NXPE3: variants seen among roughly 807,000 people sequenced by gnomAD.
NXPE3 encodes NXPE family member 3.
In NXPE3, 26 loss-of-function variants were observed where a neutral mutation model predicts 46.1. The observed-to-expected ratio is 0.56, with a 90% CI of 0.41 to 0.78. The LOEUF is 0.78. Ranked by LOEUF, NXPE3 falls within the 30% of genes least tolerant of loss-of-function variation. The pLI, the probability that NXPE3 is intolerant of heterozygous loss-of-function variation, is 0.00. For synonymous variants in NXPE3, 272 were observed against 257.9 expected (o/e 1.05, Z -0.52); for missense variants, 620 against 686.0 (o/e 0.90, Z 1.07).
In NXPE3 at chr3:101,822,918, T is replaced by C. The variant is rs1216749929; in HGVS notation, c.*964T>C. Reference sequence around the variant, plus strand: ...AAAATCTAATTAGAAATTAATAAGATACTAAAATTCATGACAGTTTTTTGT... The same window carrying C: ...AAAATCTAATTAGAAATTAATAAGACACTAAAATTCATGACAGTTTTTTGT... On this transcript the variant is annotated 3_prime_UTR_variant, in exon 8 of 8. Transcript: ENST00000273347. 6.6e-6 allele frequency: 1 copy of C among 152,092 alleles called. No homozygotes were observed. Among genetic ancestry groups the C allele is most frequent in the Non-Finnish European group, 1.5e-5 (1 of 68,028 alleles). 9.4% of individuals were successfully genotyped at this position (152,092 alleles called of 1,614,324 possible). A position where few individuals can be genotyped will look rare whatever the true frequency, so the allele number is the denominator to read the frequency against.
intron 5 of NXPE3, among the ~76,000 whole-genome samples, chr3:101,806,018 T>C (rs1013452486): frequency 2.0e-5 from 3 of 152,156 alleles, no homozygotes; most frequent in Non-Finnish European, 4.4e-5. Flanking sequence ...GAAATTTGAT[T>C]ATGCTGTAAT....
chr3:101,805,927 TA>T (rs1012226070), intron 5 of NXPE3, among the ~76,000 whole-genome samples: 3 of 152,126 alleles, frequency 2.0e-5, no homozygotes, highest in Admixed American at 1.3e-4. Flanking sequence ...GTAAATTGTA[TA>T]TTTTTTTCTT....
chr3:101,781,961 G>A (rs1939849131), intron 1 of NXPE3, 149 bp from the exon 2 acceptor site: 1 of 152,082 alleles, frequency 6.6e-6, no homozygotes, highest in South Asian at 2.1e-4. Context: ...TTATTAGTAA[G>A]GAAAAGGAAA....
intron 4 of NXPE3, among the ~76,000 whole-genome samples, chr3:101,798,826 C>G (rs1418711792): frequency 6.6e-6 from 1 of 152,056 alleles, no homozygotes; most frequent in Non-Finnish European, 1.5e-5. Flanking sequence ...GTTGCCCAGA[C>G]TAGTCTCGAA....
intron 4 of NXPE3, among the ~76,000 whole-genome samples, chr3:101,792,119 T>C (rs1302541805): frequency 6.6e-6 from 1 of 152,214 alleles, no homozygotes; most frequent in Non-Finnish European, 1.5e-5. Context: ...TGGGGTTGTT[T>C]CTTGTAGATT....
chr3:101,797,693 C>T (rs1340019450), intron 4 of NXPE3, among the ~76,000 whole-genome samples: 6 of 63,506 alleles, frequency 9.4e-5, no homozygotes, highest in Admixed American at 1.9e-4. Flanking sequence ...TTTGTTCTTG[C>T]GATAGTTTAC....
In NXPE3 at chr3:101,827,712, T is replaced by G. The variant is rs1942557024; in HGVS notation, c.*5758T>G. The stretch of plus-strand genomic sequence containing the variant: ...CTCCCTGCGGCTCCAGTCCAGGTCT[T>G]GGAGCCGGCCCTCGAGGGGAATGTC... On this transcript the variant is annotated 3_prime_UTR_variant, in exon 8 of 8. Transcript: ENST00000273347. 6.6e-6 allele frequency among the ~76,000 whole-genome samples: 1 copy of G among 152,226 alleles called. No homozygotes were observed. Among genetic ancestry groups the G allele is most frequent in the Non-Finnish European group, 1.5e-5 (1 of 68,038 alleles).
chr3:101,785,810 T>G, intron 4 of NXPE3, 121 bp downstream of exon 4: 1 of 778,232 alleles, frequency 1.3e-6, no homozygotes, highest in South Asian at 1.4e-5. Flanking sequence ...TGTTTTCATT[T>G]ATTCGGTAAG....
chr3:101,821,051 A>T (rs1020188516), intron 7 of NXPE3, among the ~76,000 whole-genome samples: 1 of 152,230 alleles, frequency 6.6e-6, no homozygotes, highest in African/African-American at 2.4e-5. Context: ...GATAAAAAAG[A>T]TTGCAATGAT....
intron 4 of NXPE3, among the ~76,000 whole-genome samples, chr3:101,800,798 A>C (rs190435362): frequency 4.6e-5 from 7 of 152,134 alleles, no homozygotes; most frequent in African/African-American, 1.7e-4. Context: ...CTCTGTCTGA[A>C]ATTAATATAA....
At chr3:101,784,862 G>GGT in intron 3 of NXPE3, among the ~76,000 whole-genome samples, 1 of 152,292 alleles carries the variant, frequency 6.6e-6, no homozygotes, top group African/African-American at 2.4e-5. Flanking sequence ...CATATGTGGT[G>GGT]GGGAGAGCTG....
rs574955778 is a variant in NXPE3 at position 101,826,120 on chromosome 3, G to A, written c.*4166G>A. ...TGATCCAGTTTAATAACTGAATCCA[G>A]TTTCACATTTATCAATCTGAAAACT... On this transcript the variant is annotated 3_prime_UTR_variant, in exon 8 of 8. Transcript: ENST00000273347. The A allele has an allele frequency of 6.6e-6, 1 of 152,296 alleles. No individual in the cohort carries two copies. Among genetic ancestry groups the A allele is most frequent in the Admixed American group, 6.5e-5 (1 of 15,288 alleles). 9.4% of individuals were successfully genotyped at this position (152,296 alleles called of 1,614,324 possible). A position where few individuals can be genotyped will look rare whatever the true frequency, so the allele number is the denominator to read the frequency against.
chr3:101,804,060 A>G (rs1302330288), intron 5 of NXPE3, among the ~76,000 whole-genome samples: 2 of 152,234 alleles, frequency 1.3e-5, no homozygotes, highest in Non-Finnish European at 2.9e-5. Context: ...TGCCTAAAGC[A>G]TTTATCATTT....
chr3:101,819,561 A>C lies in NXPE3; in HGVS notation c.1130-1843A>C, dbSNP rs1449614609. ...GTTGCTTCTTTCTTTTGCTTATTGC[A>C]AAAAGAGGTGTTTGTTTTCATTTTT... is the stretch of plus-strand genomic sequence containing the variant. On this transcript the variant is annotated intron_variant, in intron 7 of 7. Transcript: ENST00000273347. Among the ~76,000 whole-genome samples, 7 of 152,226 alleles carry C rather than the reference A, an allele frequency of 4.6e-5. No individual in the cohort carries two copies. In the South Asian group the frequency reaches 1.4e-3, roughly 31 times the overall value.
Position 101,801,555 on chromosome 3 carries a change from G to T in NXPE3, c.414G>T (p.Lys138Asn). 6.2e-7 allele frequency: 1 copy of T among 1,614,236 alleles called. No individual in the cohort carries two copies. Among genetic ancestry groups the T allele is most frequent in the East Asian group, 2.2e-5 (1 of 44,890 alleles). The change falls in exon 5 of 8, where the codon AAG (lysine) becomes AAT (asparagine). Residue 138 changes from lysine to asparagine, a missense_variant. Transcript: ENST00000273347. Reference sequence around the variant, plus strand: ...AGGATTTTCAAAGAAAGCCCAAGAAGTATGGTGGAGACTACCTGCAGGCCA... The same window carrying T: ...AGGATTTTCAAAGAAAGCCCAAGAATTATGGTGGAGACTACCTGCAGGCCA... ...HVQDFQRKPK[K>N]YGGDYLQARI...
At position 101,801,818 on chromosome 3, in the gene NXPE3, A is replaced by G. The variant is rs199892236; in HGVS notation, c.677A>G (p.Asn226Ser). The G allele has an allele frequency of 1.9e-6, 3 of 1,614,160 alleles. No homozygotes were observed. The highest frequency in any genetic ancestry group is 2.5e-6 in the Non-Finnish European group (3 of 1,180,034). The change falls in exon 5 of 8, where the codon AAC becomes AGC. Residue 226 changes from asparagine (N) to serine (S), a missense_variant. By Grantham distance (46) the Asn-to-Ser change is conservative (BLOSUM62 1). This residue lies in a region of NXPE3 where 511 missense variants were observed against 528.6 expected (regional missense o/e 0.97). Transcript: ENST00000273347. The part of the protein sequence containing the change: ...SGRISETTEC[N>S]VCLPGNLPLC... ...AGAATTTCTGAAACTACTGAGTGCA[A>G]CGTGTGTCTTCCTGGGAATCTGCCC...
intron 2 of NXPE3, 62 bp downstream of exon 2, chr3:101,782,352 A>G (rs1317177820): frequency 6.6e-6 from 1 of 152,168 alleles, no homozygotes; most frequent in Non-Finnish European, 1.5e-5. Flanking sequence ...TTTTTTCTAT[A>G]ATCATTCCCT....
chr3:101,800,392 G>A (rs1941074926), intron 4 of NXPE3, among the ~76,000 whole-genome samples: 2 of 152,118 alleles, frequency 1.3e-5, no homozygotes, highest in African/African-American at 4.8e-5. Flanking sequence ...TGGCTTAAGA[G>A]AAGACACTGT....
At chr3:101,789,234 G>A (rs1940364010) in intron 4 of NXPE3, among the ~76,000 whole-genome samples, 1 of 152,108 alleles carries the variant, frequency 6.6e-6, no homozygotes, top group Non-Finnish European at 1.5e-5. Flanking sequence ...CTAATTAAAT[G>A]TTTAATGCTA....
Sources: allele counts gnomAD v4.1 joint callset (sites outside exome capture counted in the v4.1 genomes callset), GRCh38; gene constraint gnomAD v4.1.1; regional missense constraint gnomAD v4.1.1; transcripts MANE v1.5; gene names NCBI Gene and HGNC (gene_info 2026-07-23, HGNC 2026-07-21).